Variants in SGMS1 observed in about 807,000 individuals in gnomAD.
The protein encoded by SGMS1 is sphingomyelin synthase 1, also known as phosphatidylcholine:ceramide cholinephosphotransferase 1.
A neutral mutation model predicts 46.2 loss-of-function variants in SGMS1; 13 were observed. That is an observed-to-expected ratio of 0.28 (90% confidence interval 0.18 to 0.45). The LOEUF is 0.45. SGMS1 is among the 20% of genes least tolerant of loss of function. The pLI is 1.00. For missense variants in SGMS1, 324 were observed against 519.9 expected (o/e 0.62, Z 3.66); for synonymous variants, 203 against 187.8 (o/e 1.08, Z -0.66).
At chr10:50,452,146 G>T (rs1443085220) in intron 5 of SGMS1, among the ~76,000 whole-genome samples, 1 of 152,002 alleles carries the variant, frequency 6.6e-6, no homozygotes, top group East Asian at 1.9e-4. Flanking sequence ...TAAAATATTA[G>T]AAAATTAATC....
chr10:50,424,598 C>T (rs1032471381), intron 6 of SGMS1, among the ~76,000 whole-genome samples: 1 of 152,172 alleles, frequency 6.6e-6, no homozygotes, highest in African/African-American at 2.4e-5. Flanking sequence ...AAACAATCAA[C>T]AGAATAAGGA....
At chr10:50,563,350 T>C (rs963834569) in intron 2 of SGMS1, among the ~76,000 whole-genome samples, 4 of 152,256 alleles carry the variant, frequency 2.6e-5, no homozygotes, top group Non-Finnish European at 4.4e-5. Flanking sequence ...AATGCTGATG[T>C]ATTGCTAATT....
At chr10:50,491,875 T>C (rs1837570667) in intron 3 of SGMS1, among the ~76,000 whole-genome samples, 1 of 152,064 alleles carries the variant, frequency 6.6e-6, no homozygotes, top group Non-Finnish European at 1.5e-5. Flanking sequence ...AAAAGAAAAC[T>C]TCAGGCCAGT....
chr10:50,327,994 G>T (rs1358155103), intron 7 of SGMS1: 10 of 343,880 alleles, frequency 2.9e-5, no homozygotes, highest in African/African-American at 4.5e-5. Context: ...CATATAGTAG[G>T]TACAAATGGT....
intron 1 of SGMS1, among the ~76,000 whole-genome samples, chr10:50,621,710 C>T (rs979122766): frequency 6.6e-6 from 1 of 152,226 alleles, no homozygotes; most frequent in Admixed American, 6.5e-5. Context: ...AAATAGCTCA[C>T]TATCATCACT....
chr10:50,427,987 ATG>A (rs149882980), intron 6 of SGMS1, among the ~76,000 whole-genome samples: 11 of 150,424 alleles, frequency 7.3e-5, no homozygotes, highest in South Asian at 6.3e-4. Flanking sequence ...GAGAGAGAGA[ATG>A]TGTGTGTGTG....
intron 6 of SGMS1, among the ~76,000 whole-genome samples, chr10:50,379,420 ATATG>A (rs1234865816): frequency 7.3e-6 from 1 of 136,744 alleles, no homozygotes; most frequent in Non-Finnish European, 1.5e-5. Flanking sequence ...TCATTCACAT[ATATG>A]TGGGCATATA....
chr10:50,466,369 C>A (rs1837329474), intron 4 of SGMS1, among the ~76,000 whole-genome samples: 1 of 151,998 alleles, frequency 6.6e-6, no homozygotes, highest in South Asian at 2.1e-4. Context: ...CTTAAGAAAG[C>A]AGTTCTACAA....
At chr10:50,459,689 C>A (rs2133682653) in intron 5 of SGMS1, among the ~76,000 whole-genome samples, 1 of 152,320 alleles carries the variant, frequency 6.6e-6, no homozygotes, top group South Asian at 2.1e-4. Flanking sequence ...CAGGCGTGAG[C>A]CACCACGCCC....
At chr10:50,481,090 G>A (rs1837472285) in intron 3 of SGMS1, among the ~76,000 whole-genome samples, 1 of 152,238 alleles carries the variant, frequency 6.6e-6, no homozygotes, top group African/African-American at 2.4e-5. Context: ...CCTGCCTGCT[G>A]GCTCTAAAGA....
chr10:50,558,028 G>C (rs982460288), intron 2 of SGMS1, among the ~76,000 whole-genome samples: 5 of 152,184 alleles, frequency 3.3e-5, no homozygotes, highest in African/African-American at 1.2e-4. Context: ...GCTGCCTTAA[G>C]AGACAGTTAT....
intron 7 of SGMS1, chr10:50,340,410 C>T (rs1436968352): frequency 6.6e-6 from 1 of 152,192 alleles, no homozygotes; most frequent in Non-Finnish European, 1.5e-5. Flanking sequence ...AAGTCTGACA[C>T]AAATGCAGAG....
At chr10:50,396,163 G>T (rs914826009) in intron 6 of SGMS1, among the ~76,000 whole-genome samples, 2 of 152,108 alleles carry the variant, frequency 1.3e-5, no homozygotes, top group Non-Finnish European at 2.9e-5. Flanking sequence ...TCCTTTTAGT[G>T]GCTGTCTCCT....
At chr10:50,528,744 T>C (rs577807944) in intron 2 of SGMS1, among the ~76,000 whole-genome samples, 43 of 152,092 alleles carry the variant, frequency 2.8e-4, no homozygotes, top group Non-Finnish European at 5.6e-4. Flanking sequence ...TACAAAAAAA[T>C]AAAACCTAGT....
intron 3 of SGMS1, among the ~76,000 whole-genome samples, chr10:50,508,743 G>A (rs1003235270): frequency 5.9e-5 from 9 of 152,172 alleles, no homozygotes; most frequent in African/African-American, 1.4e-4. Flanking sequence ...AGAAGTTGTC[G>A]GTGAAGTTCT....
intron 2 of SGMS1, among the ~76,000 whole-genome samples, chr10:50,527,454 C>T (rs1403344156): frequency 2.0e-5 from 3 of 152,148 alleles, no homozygotes; most frequent in Admixed American, 2.0e-4. Context: ...AACTGAGGCA[C>T]AGAGAGAAAA....
At chr10:50,350,091 A>C (rs1847981295) in intron 6 of SGMS1, among the ~76,000 whole-genome samples, 1 of 152,306 alleles carries the variant, frequency 6.6e-6, no homozygotes, top group South Asian at 2.1e-4. Flanking sequence ...TATGAACAAT[A>C]AGGTCCAGGC....
At chr10:50,511,950 C>T (rs1244130340) in intron 3 of SGMS1, among the ~76,000 whole-genome samples, 1 of 152,166 alleles carries the variant, frequency 6.6e-6, no homozygotes, top group Non-Finnish European at 1.5e-5. Flanking sequence ...GACTCATCTC[C>T]GTATCTCCTG....
chr10:50,455,623 C>A (rs1588836422), intron 5 of SGMS1, among the ~76,000 whole-genome samples: 1 of 152,154 alleles, frequency 6.6e-6, no homozygotes, highest in African/African-American at 2.4e-5. Context: ...CCACTAAAAT[C>A]TTTTATTCGG....
Sources: gnomAD v4.1 joint callset for allele counts (sites outside exome capture counted in the v4.1 genomes callset) on GRCh38, gnomAD v4.1.1 for gene constraint, MANE v1.5 for transcripts, NCBI Gene and HGNC (gene_info 2026-07-23, HGNC 2026-07-21) for gene names.